Variants in SLC38A1 observed in about 807,000 individuals in gnomAD.
SLC38A1 encodes sodium-coupled neutral amino acid symporter 1.
SLC38A1 carries 18 observed loss-of-function variants against 60.3 expected under a neutral mutation model. That is an observed-to-expected ratio of 0.30 (90% confidence interval 0.21 to 0.44). The LOEUF is 0.44. Ranked by LOEUF, SLC38A1 falls within the 20% of genes least tolerant of loss-of-function variation. The pLI is 1.00. For synonymous variants in SLC38A1, 196 were observed against 212.1 expected (o/e 0.92, Z 0.66); for missense variants, 448 against 587.2 (o/e 0.76, Z 2.45).
intron 8 of SLC38A1, among the ~76,000 whole-genome samples, chr12:46,206,703 T>C (rs1939920314): frequency 6.6e-6 from 1 of 152,184 alleles, no homozygotes; most frequent in African/African-American, 2.4e-5. Context: ...AAAACACAAT[T>C]GTGCCAAATG....
rs940935770 is a variant in SLC38A1 at position 46,243,268 on chromosome 12, T to C, written c.-162A>G. ...TGTATGGCCTTCCAGGGTTTTTCTATGCACATAGATATAGTGCCTGGCACA... is the reference window on the plus strand; with the variant it reads ...TGTATGGCCTTCCAGGGTTTTTCTACGCACATAGATATAGTGCCTGGCACA... On this transcript the variant is annotated 5_prime_UTR_variant, in exon 2 of 17. Coordinates refer to ENST00000398637, the MANE Select transcript of SLC38A1 (RefSeq NM_030674.4). 4 of 152,092 alleles carry C rather than the reference T, an allele frequency of 2.6e-5. No individual in the cohort carries two copies. The highest frequency in any genetic ancestry group is 1.9e-4 in the East Asian group (1 of 5,186). 9.4% of individuals were successfully genotyped at this position (152,092 alleles called of 1,614,324 possible).
At chr12:46,228,593 T>C (rs1347747602) in intron 5 of SLC38A1, among the ~76,000 whole-genome samples, 1 of 152,180 alleles carries the variant, frequency 6.6e-6, no homozygotes, top group Non-Finnish European at 1.5e-5. Flanking sequence ...CTCCATACAT[T>C]TGCAGAAAGT....
chr12:46,266,392 C>G (rs1349820132), intron 1 of SLC38A1, among the ~76,000 whole-genome samples: 1 of 152,012 alleles, frequency 6.6e-6, no homozygotes, highest in Non-Finnish European at 1.5e-5. Context: ...CCTTTAAAAT[C>G]TATTCATCTA....
intron 13 of SLC38A1, 60 bp downstream of exon 13, chr12:46,201,038 C>T: frequency 1.7e-6 from 2 of 1,204,432 alleles, no homozygotes; most frequent in Non-Finnish European, 2.4e-6. Context: ...TATTTCAACA[C>T]TAATTTTTAC....
At chr12:46,190,010 C>A (rs1310252256) in intron 16 of SLC38A1, among the ~76,000 whole-genome samples, 1 of 152,016 alleles carries the variant, frequency 6.6e-6, no homozygotes, top group Non-Finnish European at 1.5e-5. Context: ...CATAGGTATA[C>A]ATGTGCCATG....
chr12:46,230,651 A>G (rs186769184), intron 3 of SLC38A1, among the ~76,000 whole-genome samples: 23 of 152,356 alleles, frequency 1.5e-4, no homozygotes, highest in African/African-American at 5.5e-4. Flanking sequence ...GGAGTAAATG[A>G]TGTACAAATA....
In SLC38A1 at chr12:46,224,972, G is replaced by A. The variant is rs1332816527; in HGVS notation, c.314+4181C>T. On this transcript the variant is annotated intron_variant, in intron 5 of 16. Coordinates refer to ENST00000398637, the MANE Select transcript of SLC38A1 (RefSeq NM_030674.4). ...TAGGAGGTCAATTATCCCTCAGCCA[G>A]TATAGTTAAAAATCAATTGAATTCT... is the stretch of plus-strand genomic sequence containing the variant. Among the ~76,000 whole-genome samples the A allele has an allele frequency of 2.0e-5, 3 of 152,180 alleles. No homozygotes were observed. In the East Asian group the frequency reaches 5.8e-4, roughly 29 times the overall value.
At chr12:46,240,227 G>T (rs1340235334) in intron 2 of SLC38A1, among the ~76,000 whole-genome samples, 5 of 152,120 alleles carry the variant, frequency 3.3e-5, no homozygotes, top group Non-Finnish European at 5.9e-5. Context: ...ATGGAGTCTC[G>T]CTCTTGTTGC....
At chr12:46,225,065 T>A (rs1219922497) in intron 5 of SLC38A1, among the ~76,000 whole-genome samples, 3 of 152,166 alleles carry the variant, frequency 2.0e-5, no homozygotes, top group Non-Finnish European at 4.4e-5. Context: ...AGATTTTTTT[T>A]AAGGCGTAAA....
intron 3 of SLC38A1, 162 bp downstream of exon 3, chr12:46,239,517 G>C: frequency 1.5e-6 from 1 of 645,312 alleles, no homozygotes. Context: ...TAGAGACGGG[G>C]TTTCACCATG....
chr12:46,218,298 G>A (rs1940503654), intron 5 of SLC38A1, among the ~76,000 whole-genome samples: 1 of 151,754 alleles, frequency 6.6e-6, no homozygotes, highest in South Asian at 2.1e-4. Context: ...CTCAAACCTA[G>A]ATCCCTACTC....
At chr12:46,233,543 C>T (rs963516736) in intron 3 of SLC38A1, among the ~76,000 whole-genome samples, 3 of 152,122 alleles carry the variant, frequency 2.0e-5, no homozygotes, top group African/African-American at 7.2e-5. Context: ...GGGTTGGTAG[C>T]AAAGCATAGG....
chr12:46,219,602 G>T (rs1444803898), intron 5 of SLC38A1, among the ~76,000 whole-genome samples: 1 of 152,146 alleles, frequency 6.6e-6, no homozygotes, highest in African/African-American at 2.4e-5. Flanking sequence ...CCACAAAGGA[G>T]TAGTTTTCTA....
At chr12:46,202,977 C>T (rs755120098) in intron 12 of SLC38A1, 33 bp downstream of exon 12, 58 of 1,549,792 alleles carry the variant, frequency 3.7e-5, no homozygotes, top group Admixed American at 3.0e-4. Context: ...GGATGTAAAA[C>T]GATTAAGATA....
At chr12:46,197,579 C>T in intron 16 of SLC38A1, 141 bp downstream of exon 16, 1 of 641,458 alleles carries the variant, frequency 1.6e-6, no homozygotes, top group Non-Finnish European at 2.8e-6. Flanking sequence ...TTTTAAATAT[C>T]TCCCAAGTAG....
chr12:46,229,283 A>G lies in SLC38A1; in HGVS notation c.199-15T>C, dbSNP rs1469408391. Reference sequence around the variant, plus strand: ...GTACCTGGAATCTGAACAAAGAAACAAACATTGACACTAAGCAAAATAATC... The same window carrying G: ...GTACCTGGAATCTGAACAAAGAAACGAACATTGACACTAAGCAAAATAATC... On this transcript the variant is annotated splice_polypyrimidine_tract_variant and intron_variant, in intron 4 of 16. Transcript: ENST00000398637. 6.5e-7 allele frequency: 1 copy of G among 1,539,592 alleles called. No individual in the cohort carries two copies. The highest frequency in any genetic ancestry group is 9.0e-7 in the Non-Finnish European group (1 of 1,114,144).
intron 5 of SLC38A1, among the ~76,000 whole-genome samples, chr12:46,220,195 A>G (rs1226250416): frequency 2.0e-5 from 3 of 152,202 alleles, no homozygotes; most frequent in African/African-American, 7.2e-5. Flanking sequence ...TTCTTAATCC[A>G]GTGGATTTCA....
At chr12:46,222,242 G>A (rs193149319) in intron 5 of SLC38A1, among the ~76,000 whole-genome samples, 6 of 151,972 alleles carry the variant, frequency 3.9e-5, no homozygotes, top group Admixed American at 3.9e-4. Flanking sequence ...TTTTCAACTA[G>A]CTTTTTTTTT....
intron 1 of SLC38A1, among the ~76,000 whole-genome samples, chr12:46,260,089 G>T (rs557287865): frequency 1.3e-5 from 2 of 152,298 alleles, no homozygotes; most frequent in African/African-American, 4.8e-5. Context: ...CTTGGTCCAT[G>T]TGCAGCACTT....
Sources: gnomAD v4.1 joint callset for allele counts (sites outside exome capture counted in the v4.1 genomes callset) on GRCh38, gnomAD v4.1.1 for gene constraint, MANE v1.5 for transcripts, NCBI Gene and HGNC (gene_info 2026-07-23, HGNC 2026-07-21) for gene names.